NAA20: variants seen among roughly 807,000 people sequenced by gnomAD.
NAA20 encodes the protein N-alpha-acetyltransferase 20.
In NAA20, 24 loss-of-function variants were observed where a neutral mutation model predicts 23.8. The ratio of observed to expected loss-of-function variants is 1.01; its 90% CI spans 0.73 to 1.42. NAA20 has a LOEUF of 1.42. Among genes scored for constraint, NAA20 ranks in the 40% most tolerant of loss-of-function variants. NAA20 has a pLI of 0.00. For missense variants in NAA20, 166 were observed against 223.1 expected (o/e 0.74, Z 1.63); for synonymous variants, 83 against 77.7 (o/e 1.07, Z -0.36).
chr20:20,017,362 C>G lies in NAA20; in HGVS notation c.-35C>G, dbSNP rs553270288. 6.2e-7 allele frequency: 1 copy of G among 1,610,018 alleles called. No individual in the cohort carries two copies. On this transcript the variant is annotated 5_prime_UTR_variant, in exon 1 of 6. Coordinates refer to ENST00000334982, the MANE Select transcript of NAA20 (RefSeq NM_016100.5). Reference sequence around the variant, plus strand: ...ACTTCCGGCAGGGCGGGCGCGGGGTCTTGGCGAACGGTCTTCGGAAGCGGC... The same window carrying G: ...ACTTCCGGCAGGGCGGGCGCGGGGTGTTGGCGAACGGTCTTCGGAAGCGGC...
At chr20:20,022,430 A>G (rs1340023802) in intron 1 of NAA20, 26 bp from the exon 2 acceptor site, 5 of 1,585,920 alleles carry the variant, frequency 3.2e-6, no homozygotes, top group South Asian at 2.3e-5. Flanking sequence ...GCTGCTTACT[A>G]GAGACATTTC....
chr20:20,032,777 A>T, intron 5 of NAA20, 124 bp downstream of exon 5: 1 of 1,264,158 alleles, frequency 7.9e-7, no homozygotes, highest in Non-Finnish European at 1.0e-6. Context: ...AATTTCCCTC[A>T]ACCTACCTTT....
Position 20,033,069 on chromosome 20 carries a change from T to G in NAA20, c.452-33T>G, listed in dbSNP as rs771446841. 2.0e-6 allele frequency: 3 copies of G among 1,473,972 alleles called. No homozygotes were observed. The South Asian group carries it at 3.4e-5, about 17-fold the overall frequency. 91.3% of individuals were successfully genotyped at this position (1,473,972 alleles called of 1,614,324 possible). ...TTTACATTTGATATAATACATTTTT[T>G]GGGTGTTTATATTAAACTTTGCTTC... On this transcript the variant is annotated intron_variant, in intron 5 of 5. Transcript: ENST00000334982.
chr20:20,032,604 C>G lies in NAA20; in HGVS notation c.402C>G (p.Val134=), dbSNP rs1366655001. 1 of 1,611,970 alleles carries G rather than the reference C, an allele frequency of 6.2e-7. No individual in the cohort carries two copies. Among genetic ancestry groups the G allele is most frequent in the Admixed American group, 1.7e-5 (1 of 59,776 alleles). Residue 134 remains valine (V), a synonymous_variant, in exon 5 of 6, where the codon GTC becomes GTG. Transcript: ENST00000334982. Reference sequence around the variant, plus strand: ...TGGGCTACAGTGTATATAGGACGGTCATAGAGTACTATTCGGCCAGCAACG... The same window carrying G: ...TGGGCTACAGTGTATATAGGACGGTGATAGAGTACTATTCGGCCAGCAACG... ...KQLGYSVYRT[V]IEYYSASNGE...
chr20:20,027,223 T>C (rs1457872265), intron 4 of NAA20, among the ~76,000 whole-genome samples: 1 of 152,234 alleles, frequency 6.6e-6, no homozygotes, highest in African/African-American at 2.4e-5. Context: ...GTGGCACACA[T>C]TCCTAAAATC....
intron 1 of NAA20, among the ~76,000 whole-genome samples, chr20:20,021,046 G>T (rs865913653): frequency 9.4e-5 from 13 of 138,590 alleles, no homozygotes; most frequent in Non-Finnish European, 1.9e-4. Context: ...GGCGGGGGGG[G>T]GGGGGGACTT....
intron 1 of NAA20, chr20:20,018,135 G>T: frequency 3.2e-6 from 5 of 1,565,310 alleles, no homozygotes; most frequent in Non-Finnish European, 4.4e-6. Flanking sequence ...GGGGAGGCTC[G>T]CTGTGCCCAG....
intron 5 of NAA20, 140 bp downstream of exon 5, chr20:20,032,793 C>CTAATTA: frequency 8.9e-7 from 1 of 1,119,662 alleles, no homozygotes; most frequent in Non-Finnish European, 1.2e-6. Flanking sequence ...CCTTTATCAA[C>CTAATTA]CTATTAGTAG....
chr20:20,032,106 C>T (rs1020150786), intron 4 of NAA20, among the ~76,000 whole-genome samples: 2 of 149,278 alleles, frequency 1.3e-5, no homozygotes, highest in African/African-American at 5.2e-5. Context: ...TGCACAAGCC[C>T]AGCCACTCTT....
chr20:20,032,696 G>C, intron 5 of NAA20, 43 bp downstream of exon 5: 1 of 1,523,458 alleles, frequency 6.6e-7, no homozygotes, highest in African/African-American at 1.4e-5. Context: ...AGTCGAAACA[G>C]TTACATTCTT....
chr20:20,019,689 A>G (rs1222585864), intron 1 of NAA20, among the ~76,000 whole-genome samples: 1 of 152,116 alleles, frequency 6.6e-6, no homozygotes, highest in African/African-American at 2.4e-5. Flanking sequence ...GGCCCAGGCA[A>G]TCCTCCTGCC....
At chr20:20,032,790 C>CA in intron 5 of NAA20, 137 bp downstream of exon 5, 1 of 1,149,706 alleles carries the variant, frequency 8.7e-7, no homozygotes, top group Non-Finnish European at 1.2e-6. Flanking sequence ...CTACCTTTAT[C>CA]AACCTATTAG....
intron 4 of NAA20, among the ~76,000 whole-genome samples, chr20:20,028,121 G>A (rs1405380492): frequency 6.6e-6 from 1 of 152,052 alleles, no homozygotes; most frequent in East Asian, 1.9e-4. Context: ...AAAAGAAGTC[G>A]GTGCTAATCT....
At chr20:20,023,210 C>T (rs1031455079) in intron 2 of NAA20, among the ~76,000 whole-genome samples, 3 of 151,548 alleles carry the variant, frequency 2.0e-5, no homozygotes, top group Non-Finnish European at 2.9e-5. Flanking sequence ...TCGCTTGAAC[C>T]AGGACCCGGG....
intron 1 of NAA20, chr20:20,017,772 G>A: frequency 6.9e-7 from 1 of 1,439,006 alleles, no homozygotes; most frequent in South Asian, 1.5e-5. Context: ...TGGGGTGATG[G>A]GGCGAGCTGG....
At chr20:20,024,504 T>G (rs2043294128) in intron 2 of NAA20, among the ~76,000 whole-genome samples, 1 of 152,224 alleles carries the variant, frequency 6.6e-6, no homozygotes, top group South Asian at 2.1e-4. Context: ...ATCACCACTT[T>G]TAAGATTTTT....
chr20:20,028,760 A>AAACCAAAC (rs1282330829), intron 4 of NAA20, among the ~76,000 whole-genome samples: 1 of 152,202 alleles, frequency 6.6e-6, no homozygotes, highest in African/African-American at 2.4e-5. Context: ...TTAAAAATAG[A>AAACCAAAC]AACCAAACAA....
intron 1 of NAA20, chr20:20,018,769 G>A (rs1206486971): frequency 8.2e-6 from 3 of 365,222 alleles, no homozygotes; most frequent in East Asian, 1.6e-4. Context: ...GAGTGCCCAC[G>A]TAATAATCCA....
intron 1 of NAA20, chr20:20,017,834 G>A (rs2043242086): frequency 2.0e-6 from 3 of 1,510,554 alleles, no homozygotes; most frequent in Non-Finnish European, 2.7e-6. Flanking sequence ...CCTACTGCTT[G>A]CTGGTTCGTG....
Sources: allele counts gnomAD v4.1 joint callset (sites outside exome capture counted in the v4.1 genomes callset), GRCh38; gene constraint gnomAD v4.1.1; transcripts MANE v1.5; gene names NCBI Gene and HGNC (gene_info 2026-07-23, HGNC 2026-07-21).